Variants in CDH4 observed in about 807,000 individuals in gnomAD.
CDH4 encodes cadherin 4, also known as cadherin-4.
In CDH4, 33 loss-of-function variants were observed where a neutral mutation model predicts 86.0. The observed-to-expected ratio is 0.38, with a 90% CI of 0.29 to 0.51. The LOEUF (loss-of-function observed/expected upper bound fraction) is 0.51, where lower values mean the gene tolerates loss of function less well. CDH4 is among the 20% of genes least tolerant of loss of function. The pLI, the probability that CDH4 is intolerant of heterozygous loss-of-function variation, is 0.86. For synonymous variants in CDH4, 555 were observed against 549.4 expected, an observed-to-expected ratio of 1.01 and a Z score of -0.14; for missense variants, 1,114 against 1,307.4, an observed-to-expected ratio of 0.85 and a Z score of 2.28.
At chr20:61,502,106 A>C (rs1485770975) in intron 2 of CDH4, among the ~76,000 whole-genome samples, 1 of 152,058 alleles carries the variant, frequency 6.6e-6, no homozygotes, top group Non-Finnish European at 1.5e-5. Context: ...GTGGGATGAG[A>C]TAGCTAAGCA....
chr20:61,831,862 G>A (rs1981632244), intron 4 of CDH4, among the ~76,000 whole-genome samples: 1 of 152,244 alleles, frequency 6.6e-6, no homozygotes, highest in African/African-American at 2.4e-5. Flanking sequence ...CATTCCCACA[G>A]AGGCCGAGAG....
chr20:61,667,023 C>T (rs150731282), intron 2 of CDH4, among the ~76,000 whole-genome samples: 1 of 152,368 alleles, frequency 6.6e-6, no homozygotes, highest in African/African-American at 2.4e-5. Flanking sequence ...GTGCTGGCAC[C>T]ACAGTCTGTA....
chr20:61,597,643 C>T (rs755624410), intron 2 of CDH4, among the ~76,000 whole-genome samples: 7 of 152,048 alleles, frequency 4.6e-5, no homozygotes, highest in South Asian at 2.1e-4. Flanking sequence ...AGAGGCAGAG[C>T]GGCCCAAACA....
intron 2 of CDH4, among the ~76,000 whole-genome samples, chr20:61,381,696 A>G (rs1481967297): frequency 1.3e-5 from 2 of 151,824 alleles, no homozygotes; most frequent in Non-Finnish European, 2.9e-5. Context: ...TCAATTACTC[A>G]CTTTCCCACC....
At chr20:61,776,251 G>A (rs1210635432) in intron 4 of CDH4, among the ~76,000 whole-genome samples, 4 of 152,222 alleles carry the variant, frequency 2.6e-5, no homozygotes, top group African/African-American at 7.2e-5. Flanking sequence ...TGATTAACAC[G>A]AGCTTGGAAA....
intron 4 of CDH4, among the ~76,000 whole-genome samples, chr20:61,774,958 C>T (rs1310674914): frequency 6.6e-6 from 1 of 152,150 alleles, no homozygotes; most frequent in Non-Finnish European, 1.5e-5. Flanking sequence ...CATGTCTTTG[C>T]TGTTGTGAAT....
At chr20:61,620,171 T>TGGATGGATGGAC (rs2086759401) in intron 2 of CDH4, among the ~76,000 whole-genome samples, 8 of 58,022 alleles carry the variant, frequency 1.4e-4, no homozygotes, top group South Asian at 5.5e-4. Flanking sequence ...GATGGATGGA[T>TGGATGGATGGAC]GGATGGGTGG....
At chr20:61,330,362 C>G (rs1029611091) in intron 2 of CDH4, among the ~76,000 whole-genome samples, 18 of 152,216 alleles carry the variant, frequency 1.2e-4, no homozygotes, top group African/African-American at 4.3e-4. Context: ...TGATTCTCCA[C>G]AGCCTCACCA....
Position 61,277,599 on chromosome 20 carries a change from G to A in CDH4, c.169+22662G>A, listed in dbSNP as rs193286564. 6.5e-4 allele frequency among the ~76,000 whole-genome samples: 99 copies of A among 152,276 alleles called. No homozygotes were observed. The Middle Eastern group carries it at 0.02, about 31-fold the overall frequency. Reference sequence around the variant, plus strand: ...AGGAAATATGAAAGGATTATAATTGGAAAAAGATGGGCATAAAATGAAAAA... The same window carrying A: ...AGGAAATATGAAAGGATTATAATTGAAAAAAGATGGGCATAAAATGAAAAA... On this transcript the variant is annotated intron_variant, in intron 2 of 15. Coordinates refer to ENST00000614565, the MANE Select transcript of CDH4 (RefSeq NM_001794.5).
At chr20:61,529,173 G>A (rs756714786) in intron 2 of CDH4, among the ~76,000 whole-genome samples, 1 of 152,156 alleles carries the variant, frequency 6.6e-6, no homozygotes, top group Non-Finnish European at 1.5e-5. Context: ...CTTTTTGATT[G>A]TGTAAACTTC....
rs193264493 is a variant in CDH4 at position 61,373,060 on chromosome 20, G to A, written c.169+118123G>A. Among the ~76,000 whole-genome samples, 14 of 152,318 alleles carry A rather than the reference G, an allele frequency of 9.2e-5. No homozygotes were observed. In the East Asian group the frequency reaches 2.3e-3, roughly 25 times the overall value. On this transcript the variant is annotated intron_variant, in intron 2 of 15. Transcript: ENST00000614565. ...ATCCTGATTCCTGGCTAATTTTCTA[G>A]ACAGTTGGAGGATTTGGCTTCCAGA...
chr20:61,475,457 C>A (rs1271969454), intron 2 of CDH4, among the ~76,000 whole-genome samples: 1 of 69,782 alleles, frequency 1.4e-5, no homozygotes, highest in Non-Finnish European at 3.5e-5. Flanking sequence ...TTACCTCCCC[C>A]CCTCTCTCTC....
At chr20:61,446,734 G>A (rs958977331) in intron 2 of CDH4, among the ~76,000 whole-genome samples, 2 of 152,190 alleles carry the variant, frequency 1.3e-5, no homozygotes, top group African/African-American at 2.4e-5. Context: ...AGCCCAGCCC[G>A]CTTATCCATT....
At chr20:61,468,857 GTTCTATCCATCT>G (rs2085487531) in intron 2 of CDH4, among the ~76,000 whole-genome samples, 1 of 152,096 alleles carries the variant, frequency 6.6e-6, no homozygotes, top group Non-Finnish European at 1.5e-5. Context: ...ATGATCTCCA[GTTCTATCCATCT>G]TATTTCAGAT....
intron 2 of CDH4, among the ~76,000 whole-genome samples, chr20:61,572,799 A>C (rs1269377905): frequency 1.3e-5 from 2 of 152,196 alleles, no homozygotes; most frequent in African/African-American, 4.8e-5. Context: ...TCAGTCTTAT[A>C]CAGATGATTC....
At chr20:61,351,357 T>C (rs2084711351) in intron 2 of CDH4, among the ~76,000 whole-genome samples, 1 of 152,094 alleles carries the variant, frequency 6.6e-6, no homozygotes, top group African/African-American at 2.4e-5. Flanking sequence ...TGCGAGGGGG[T>C]GCCTGGATTC....
intron 2 of CDH4, among the ~76,000 whole-genome samples, chr20:61,454,871 G>C (rs139481968): frequency 6.6e-6 from 1 of 152,286 alleles, no homozygotes; most frequent in Non-Finnish European, 1.5e-5. Flanking sequence ...TGCAGGAGTG[G>C]TTTGAAGGGT....
At chr20:61,388,200 AGGCAAG>A (rs2084962557) in intron 2 of CDH4, among the ~76,000 whole-genome samples, 4 of 147,532 alleles carry the variant, frequency 2.7e-5, no homozygotes, top group Non-Finnish European at 4.5e-5. Context: ...GCAGGCTCAC[AGGCAAG>A]GGCTGTGCAG....
intron 4 of CDH4, among the ~76,000 whole-genome samples, chr20:61,835,328 G>T (rs192123883): frequency 6.6e-6 from 1 of 152,294 alleles, no homozygotes; most frequent in Admixed American, 6.5e-5. Context: ...GCCTCCTAAA[G>T]TGCAGGGATT....
Sources: allele counts gnomAD v4.1 joint callset (sites outside exome capture counted in the v4.1 genomes callset), GRCh38; gene constraint gnomAD v4.1.1; transcripts MANE v1.5; gene names NCBI Gene and HGNC (gene_info 2026-07-23, HGNC 2026-07-21).